The following RASAL2 variants were observed in gnomAD, a reference collection of about 807,000 sequenced individuals.
RASAL2 encodes RAS protein activator like 2.
A neutral mutation model predicts 128.9 loss-of-function variants in RASAL2; 58 were observed. That is an observed-to-expected ratio of 0.45 (90% CI 0.36 to 0.56). The LOEUF (loss-of-function observed/expected upper bound fraction) is 0.56, where lower values mean the gene tolerates loss of function less well. Among genes scored for constraint, RASAL2 ranks in the 20% least tolerant of loss-of-function variants. The probability of loss-of-function intolerance (pLI) is 0.00; values close to 1 mark genes in which losing one functional copy is unlikely to be tolerated. For synonymous variants in RASAL2, 561 were observed against 580.8 expected (o/e 0.97, Z 0.49); for missense variants, 1,360 against 1,601.6 (o/e 0.85, Z 2.57).
At chr1:178,255,370 A>ATAT (rs1306059927) in intron 1 of RASAL2, among the ~76,000 whole-genome samples, 1 of 152,178 alleles carries the variant, frequency 6.6e-6, no homozygotes, top group Non-Finnish European at 1.5e-5. Flanking sequence ...AATAATATGT[A>ATAT]TATTATTATT....
rs74365315 is a variant in RASAL2, at chr1:178,254,212, C to T, written c.203-29352C>T. On this transcript the variant is annotated intron_variant, in intron 1 of 17. Transcript: ENST00000367649. ...CCTTCTTCCCCATCATTTTATTCTT[C>T]TGGGTAATGTCTATTTATCCTTCAG... 3.3e-3 allele frequency among the ~76,000 whole-genome samples: 496 copies of T among 152,248 alleles called. 7 individuals carry two copies. The highest frequency in any genetic ancestry group is 0.012 in the African/African-American group (481 of 41,552).
At chr1:178,168,113 TC>T (rs2101906094) in intron 1 of RASAL2, among the ~76,000 whole-genome samples, 1 of 152,156 alleles carries the variant, frequency 6.6e-6, no homozygotes, top group Admixed American at 6.6e-5. Flanking sequence ...GGCAGAAAAT[TC>T]CTTTAGCACC....
intron 1 of RASAL2, among the ~76,000 whole-genome samples, chr1:178,095,834 G>A (rs1327126516): frequency 1.3e-5 from 2 of 152,096 alleles, no homozygotes; most frequent in Admixed American, 6.5e-5. Context: ...TGGGATTTGG[G>A]GCAGATCGAG....
intron 1 of RASAL2, among the ~76,000 whole-genome samples, chr1:178,227,344 G>T (rs1663830426): frequency 6.6e-6 from 1 of 152,186 alleles, no homozygotes; most frequent in African/African-American, 2.4e-5. Flanking sequence ...AAGCCCTGTG[G>T]TTTTAGGGTG....
intron 1 of RASAL2, among the ~76,000 whole-genome samples, chr1:178,133,764 T>C (rs976293919): frequency 2.0e-5 from 3 of 152,122 alleles, no homozygotes; most frequent in African/African-American, 7.2e-5. Context: ...CAGTAAGTAA[T>C]AGTGCTAAGT....
intron 2 of RASAL2, among the ~76,000 whole-genome samples, chr1:178,284,962 T>G (rs1468484830): frequency 1.3e-5 from 2 of 152,058 alleles, no homozygotes; most frequent in Non-Finnish European, 2.9e-5. Context: ...ACCTCCCCTT[T>G]CTCTTCTCTT....
chr1:178,172,449 C>T (rs1661735589), intron 1 of RASAL2, among the ~76,000 whole-genome samples: 1 of 151,952 alleles, frequency 6.6e-6, no homozygotes, highest in Non-Finnish European at 1.5e-5. Flanking sequence ...ACAGGTTTTT[C>T]ATTTAAATCT....
At chr1:178,326,915 T>TA (rs1259508426) in intron 3 of RASAL2, among the ~76,000 whole-genome samples, 2 of 152,220 alleles carry the variant, frequency 1.3e-5, no homozygotes, top group South Asian at 2.1e-4. Context: ...ACCGACTTTT[T>TA]ATCACGTTTT....
At chr1:178,350,479 C>T (rs1670404812) in intron 3 of RASAL2, among the ~76,000 whole-genome samples, 1 of 152,216 alleles carries the variant, frequency 6.6e-6, no homozygotes, top group Admixed American at 6.5e-5. Flanking sequence ...GGCAGTCCGC[C>T]TGCCTTGACC....
chr1:178,402,902 G>T (rs985970948), intron 4 of RASAL2, among the ~76,000 whole-genome samples: 1 of 152,116 alleles, frequency 6.6e-6, no homozygotes, highest in Admixed American at 6.5e-5. Context: ...ATTATCTAAT[G>T]CTTTTTCAGG....
At chr1:178,217,998 GAATAA>G (rs1484091120) in intron 1 of RASAL2, among the ~76,000 whole-genome samples, 1 of 152,206 alleles carries the variant, frequency 6.6e-6, no homozygotes, top group East Asian at 1.9e-4. Context: ...TCTCAAGATG[GAATAA>G]ACTTCCATCT....
chr1:178,455,448 A>C (rs925571122), intron 12 of RASAL2, among the ~76,000 whole-genome samples: 1 of 152,154 alleles, frequency 6.6e-6, no homozygotes, highest in African/African-American at 2.4e-5. Context: ...ATTTTCCTCT[A>C]TTTTCCTATC....
At chr1:178,161,162 G>A (rs559608077) in intron 1 of RASAL2, among the ~76,000 whole-genome samples, 9 of 148,430 alleles carry the variant, frequency 6.1e-5, no homozygotes, top group Admixed American at 2.0e-4. Context: ...CTTTTAAAAC[G>A]TACAATTAAG....
At chr1:178,206,381 C>A (rs1301385322) in intron 1 of RASAL2, among the ~76,000 whole-genome samples, 1 of 152,214 alleles carries the variant, frequency 6.6e-6, no homozygotes, top group Admixed American at 6.5e-5. Flanking sequence ...TTAAAACTCT[C>A]AGCTAAGGAT....
intron 9 of RASAL2, among the ~76,000 whole-genome samples, chr1:178,447,224 A>G (rs1349289285): frequency 1.3e-5 from 2 of 151,536 alleles, no homozygotes; most frequent in Admixed American, 6.6e-5. Flanking sequence ...CAGGAGGCCA[A>G]GGTAAGAGAA....
intron 1 of RASAL2, among the ~76,000 whole-genome samples, chr1:178,218,181 A>G (rs1447285481): frequency 4.6e-5 from 7 of 152,232 alleles, no homozygotes; most frequent in Non-Finnish European, 7.3e-5. Context: ...AAACCTTTCA[A>G]AGTCATCAAT....
At chr1:178,135,622 A>G (rs900455058) in intron 1 of RASAL2, among the ~76,000 whole-genome samples, 2 of 152,206 alleles carry the variant, frequency 1.3e-5, no homozygotes, top group African/African-American at 4.8e-5. Flanking sequence ...AGTATAGAAA[A>G]GAAATAGCAT....
chr1:178,376,580 C>T lies in RASAL2; in HGVS notation c.458-13520C>T, dbSNP rs936769958. Reference sequence around the variant, plus strand: ...TCATACAGGAACCAAATATACATGCCGAGATTTAGCAATGGAATGTAGGGA... The same window carrying T: ...TCATACAGGAACCAAATATACATGCTGAGATTTAGCAATGGAATGTAGGGA... On this transcript the variant is annotated intron_variant, in intron 3 of 17. Transcript: ENST00000367649. 1.3e-4 allele frequency among the ~76,000 whole-genome samples: 20 copies of T among 152,068 alleles called. No individual in the cohort carries two copies. The South Asian group carries it at 3.7e-3, about 28-fold the overall frequency.
chr1:178,426,405 C>T (rs759169851), intron 5 of RASAL2, among the ~76,000 whole-genome samples: 5 of 152,148 alleles, frequency 3.3e-5, no homozygotes, highest in South Asian at 4.1e-4. Flanking sequence ...TAGGCCAGGA[C>T]GTCAAGGCTG....
Sources: allele counts gnomAD v4.1 joint callset (sites outside exome capture counted in the v4.1 genomes callset), GRCh38; gene constraint gnomAD v4.1.1; transcripts MANE v1.5; gene names NCBI Gene and HGNC (gene_info 2026-07-23, HGNC 2026-07-21).